Variants in GAS7 observed in about 807,000 individuals in gnomAD.
GAS7 encodes the protein growth arrest-specific protein 7.
GAS7 carries 28 observed loss-of-function variants against 71.1 expected under a neutral mutation model. That is an observed-to-expected ratio of 0.39 (90% confidence interval 0.29 to 0.54). The LOEUF (loss-of-function observed/expected upper bound fraction) is 0.54. Ranked by LOEUF, GAS7 falls within the 20% of genes least tolerant of loss-of-function variation. The pLI is 0.62. For missense variants in GAS7, 436 were observed against 627.8 expected (o/e 0.69, Z 3.27); for synonymous variants, 258 against 245.8 (o/e 1.05, Z -0.46).
intron 1 of GAS7, among the ~76,000 whole-genome samples, chr17:10,022,659 G>C (rs574406098): frequency 6.6e-6 from 1 of 152,168 alleles, no homozygotes; most frequent in African/African-American, 2.4e-5. Context: ...GTAACAATAC[G>C]TAACTCAGCA....
chr17:10,039,646 G>A, intron 1 of GAS7: 1 of 430,318 alleles, frequency 2.3e-6, no homozygotes, highest in South Asian at 1.7e-5. Flanking sequence ...TCATGCCACT[G>A]CACTCCAACC....
intron 2 of GAS7, among the ~76,000 whole-genome samples, chr17:10,009,212 T>G (rs2071659500): frequency 6.7e-6 from 1 of 149,000 alleles, no homozygotes; most frequent in East Asian, 2.0e-4. Context: ...TCCCAGCTAC[T>G]TGGGAGGCTG....
At chr17:10,117,676 T>C (rs905612308) in intron 1 of GAS7, among the ~76,000 whole-genome samples, 2 of 152,050 alleles carry the variant, frequency 1.3e-5, no homozygotes, top group African/African-American at 4.8e-5. Context: ...CACTGGACTG[T>C]GGTAAGCAGA....
At chr17:9,945,856 C>T (rs1191804235) in intron 6 of GAS7, among the ~76,000 whole-genome samples, 1 of 151,910 alleles carries the variant, frequency 6.6e-6, no homozygotes, top group Non-Finnish European at 1.5e-5. Flanking sequence ...TGGTGGCACA[C>T]ATCTGTAGTC....
intron 1 of GAS7, among the ~76,000 whole-genome samples, chr17:10,071,584 T>G (rs531372552): frequency 1.1e-3 from 164 of 151,966 alleles, no homozygotes; most frequent in African/African-American, 3.7e-3. Flanking sequence ...TAAAAAAAAG[T>G]TTTGACTTAG....
At position 9,917,212 on chromosome 17, in the gene GAS7, A is replaced by C; in HGVS notation, c.*16T>G. ...CCCCCTCCCCAGCAGGACCCCCCGAAGCTGCACAGGCCCATCTAGATCTCC... is the reference window on the plus strand; with the variant it reads ...CCCCCTCCCCAGCAGGACCCCCCGACGCTGCACAGGCCCATCTAGATCTCC... On this transcript the variant is annotated 3_prime_UTR_variant, in exon 14 of 14. Coordinates refer to ENST00000432992, the MANE Select transcript of GAS7 (RefSeq NM_201433.2). 2.1e-5 allele frequency: 28 copies of C among 1,358,810 alleles called. No homozygotes were observed. The highest frequency in any genetic ancestry group is 2.9e-5 in the Non-Finnish European group (27 of 946,622). The allele number at this position is 1,358,810 out of a possible 1,614,324, so 84.2% of individuals were successfully genotyped here.
chr17:9,995,543 A>T (rs574192397), intron 2 of GAS7, among the ~76,000 whole-genome samples: 1 of 44,530 alleles, frequency 2.2e-5, no homozygotes, highest in East Asian at 2.6e-4. Flanking sequence ...TCAATAACAA[A>T]AAAAAAAAAA....
At chr17:10,135,082 C>T (rs995994760) in intron 1 of GAS7, among the ~76,000 whole-genome samples, 1 of 152,100 alleles carries the variant, frequency 6.6e-6, no homozygotes, top group Non-Finnish European at 1.5e-5. Flanking sequence ...CTACCTGCCT[C>T]GGCCTCCCAA....
At chr17:10,185,228 A>G (rs2074443504) in intron 1 of GAS7, among the ~76,000 whole-genome samples, 1 of 152,136 alleles carries the variant, frequency 6.6e-6, no homozygotes, top group Non-Finnish European at 1.5e-5. Flanking sequence ...CCCAGCCTAT[A>G]AAAACTCTTG....
chr17:9,947,542 C>T (rs1438389659), intron 5 of GAS7, among the ~76,000 whole-genome samples: 2 of 151,998 alleles, frequency 1.3e-5, no homozygotes, highest in Non-Finnish European at 2.9e-5. Flanking sequence ...GTTGAGAGTT[C>T]GAGACCAGCC....
At chr17:10,165,291 CAA>C (rs71365731) in intron 1 of GAS7, among the ~76,000 whole-genome samples, 6 of 77,646 alleles carry the variant, frequency 7.7e-5, no homozygotes, top group Admixed American at 1.6e-4. Flanking sequence ...GATTCCTTCT[CAA>C]AAAAAAAAAA....
chr17:9,920,001 G>GTA (rs2152067898), intron 11 of GAS7, among the ~76,000 whole-genome samples: 1 of 149,380 alleles, frequency 6.7e-6, no homozygotes, highest in Non-Finnish European at 1.5e-5. Flanking sequence ...GTGTGTGTGT[G>GTA]TGTGTGTGTG....
chr17:10,145,576 A>T (rs2074115226), intron 1 of GAS7, among the ~76,000 whole-genome samples: 1 of 152,230 alleles, frequency 6.6e-6, no homozygotes, highest in African/African-American at 2.4e-5. Context: ...CCAAGTTCTG[A>T]GTTCCTGCAG....
At chr17:9,971,940 C>T (rs1349593344) in intron 3 of GAS7, among the ~76,000 whole-genome samples, 1 of 152,166 alleles carries the variant, frequency 6.6e-6, no homozygotes, top group Non-Finnish European at 1.5e-5. Context: ...CAGGTGGTGC[C>T]CCGTTCTCCA....
intron 4 of GAS7, among the ~76,000 whole-genome samples, chr17:9,963,028 G>T (rs1327258777): frequency 7.1e-6 from 1 of 140,020 alleles, no homozygotes; most frequent in Non-Finnish European, 1.5e-5. Context: ...AAAATAAATC[G>T]TCAAGGTGAT....
chr17:10,094,538 G>A (rs1330680106), intron 1 of GAS7, among the ~76,000 whole-genome samples: 4 of 151,892 alleles, frequency 2.6e-5, no homozygotes, highest in African/African-American at 9.7e-5. Context: ...GCGCGATCTC[G>A]GCTCACTGCA....
chr17:10,016,602 CAAA>C (rs1158379710), intron 2 of GAS7, among the ~76,000 whole-genome samples: 6,133 of 84,834 alleles, frequency 0.072, 320 homozygotes, highest in African/African-American at 0.16. Flanking sequence ...CTGTCTCTAC[CAAA>C]AAAAAAAAAA....
intron 1 of GAS7, among the ~76,000 whole-genome samples, chr17:10,132,111 T>C (rs569162838): frequency 1.3e-5 from 2 of 152,346 alleles, no homozygotes; most frequent in South Asian, 2.1e-4. Flanking sequence ...TACTCAATGA[T>C]TGCATGAGTA....
At chr17:9,983,864 T>G (rs1177565680) in intron 2 of GAS7, among the ~76,000 whole-genome samples, 1 of 152,156 alleles carries the variant, frequency 6.6e-6, no homozygotes, top group Non-Finnish European at 1.5e-5. Flanking sequence ...TATAGCAAAG[T>G]AGTTAGGCTC....
Sources: allele counts gnomAD v4.1 joint callset (sites outside exome capture counted in the v4.1 genomes callset), GRCh38; gene constraint gnomAD v4.1.1; transcripts MANE v1.5; gene names NCBI Gene and HGNC (gene_info 2026-07-23, HGNC 2026-07-21).